CEP63: variants seen among roughly 807,000 people sequenced by gnomAD.
The protein encoded by CEP63 is centrosomal protein 63.
In CEP63, 84 loss-of-function variants were observed where a neutral mutation model predicts 89.1. That is an observed-to-expected ratio of 0.94 (90% CI 0.79 to 1.13). The LOEUF (loss-of-function observed/expected upper bound fraction) is 1.13. Among genes scored for constraint, CEP63 ranks in the 50% most tolerant of loss-of-function variants. CEP63 has a pLI of 0.00. For synonymous variants in CEP63, 267 were observed against 272.5 expected (o/e 0.98, Z 0.20); for missense variants, 838 against 813.3 (o/e 1.03, Z -0.37).
chr3:134,570,254 A>G (rs1957959964), intron 11 of CEP63, among the ~76,000 whole-genome samples: 1 of 71,462 alleles, frequency 1.4e-5, no homozygotes, highest in South Asian at 4.4e-4. Flanking sequence ...ATTTCTCCTC[A>G]GAAAGTGGGA....
chr3:134,751,580 T>C, the CEP63 span, among the ~76,000 whole-genome samples: 3 of 152,102 alleles, frequency 2.0e-5, no homozygotes, highest in Non-Finnish European at 4.4e-5. Flanking sequence ...GTGCTGTCAC[T>C]GTTGGGAGCA....
At chr3:134,607,417 C>G in the CEP63 span, 1 of 985,606 alleles carries the variant, frequency 1.0e-6, no homozygotes, top group Non-Finnish European at 1.2e-6. Flanking sequence ...GGCTCTGGGC[C>G]CACCCACAGG....
intron 12 of CEP63, 176 bp downstream of exon 12, chr3:134,552,188 C>G: frequency 2.4e-6 from 1 of 422,872 alleles, no homozygotes; most frequent in Non-Finnish European, 4.3e-6. Context: ...ACTCTCCACT[C>G]CAGCAGCAGG....
At chr3:134,724,650 G>A in the CEP63 span, among the ~76,000 whole-genome samples, 1 of 152,212 alleles carries the variant, frequency 6.6e-6, no homozygotes, top group Non-Finnish European at 1.5e-5. Flanking sequence ...CAGCTCCCAT[G>A]AATGCCTAGT....
In CEP63 at chr3:134,561,640, A is replaced by G; in HGVS notation, c.*105A>G. The G allele has an allele frequency of 6.6e-7, 1 of 1,525,948 alleles. No individual in the cohort carries two copies. Among genetic ancestry groups the G allele is most frequent in the South Asian group, 1.3e-5 (1 of 79,650 alleles). 94.5% of individuals were successfully genotyped at this position (1,525,948 alleles called of 1,614,324 possible). ...AACATGAAGAGATAAAATTATAAAA[A>G]TGATACATCTAAAGCAGTGGTGAAG... On this transcript the variant is annotated 3_prime_UTR_variant, in exon 15 of 15. Transcript: ENST00000675561.
intron 12 of CEP63, among the ~76,000 whole-genome samples, chr3:134,556,099 C>T (rs1161004821): frequency 6.7e-6 from 1 of 148,922 alleles, no homozygotes; most frequent in South Asian, 2.2e-4. Flanking sequence ...GGATCCCTTC[C>T]TTACACCTTA....
chr3:134,485,834 C>T, upstream of CEP63: 1 of 293,330 alleles, frequency 3.4e-6, no homozygotes, highest in Non-Finnish European at 5.1e-6. Context: ...TAAAGAAAAA[C>T]GGTTATGAGC....
the CEP63 span, among the ~76,000 whole-genome samples, chr3:134,698,700 C>T: frequency 4.4e-3 from 675 of 152,338 alleles, 3 homozygotes; most frequent in African/African-American, 0.016. Context: ...TGCCCTCGCC[C>T]ACACCTTGTC....
chr3:134,713,014 A>C, the CEP63 span, among the ~76,000 whole-genome samples: 1 of 152,198 alleles, frequency 6.6e-6, no homozygotes, highest in Non-Finnish European at 1.5e-5. Context: ...TGTCTATGCA[A>C]CATGAGAGCA....
At chr3:134,762,802 G>T in the CEP63 span, among the ~76,000 whole-genome samples, 1 of 152,176 alleles carries the variant, frequency 6.6e-6, no homozygotes, top group Non-Finnish European at 1.5e-5. Flanking sequence ...AGCAGTTCTG[G>T]CAAATGAATA....
the CEP63 span, among the ~76,000 whole-genome samples, chr3:134,778,537 T>TTTTG: frequency 4.6e-5 from 7 of 151,840 alleles, no homozygotes; most frequent in African/African-American, 7.3e-5. Flanking sequence ...GTTTTTGCTG[T>TTTTG]TTTGTTTGTT....
chr3:134,511,292 A>T (rs1219906723), intron 3 of CEP63: 2 of 162,402 alleles, frequency 1.2e-5, no homozygotes, highest in African/African-American at 2.4e-5. Flanking sequence ...GTTCCTGGCA[A>T]AGCAATTGTG....
chr3:134,592,407 G>A (rs1958614614), downstream of CEP63, among the ~76,000 whole-genome samples: 1 of 151,824 alleles, frequency 6.6e-6, no homozygotes, highest in South Asian at 2.1e-4. Flanking sequence ...CCTTTTGAAT[G>A]TAGGAGCACC....
At chr3:134,725,945 G>A in the CEP63 span, among the ~76,000 whole-genome samples, 2 of 152,174 alleles carry the variant, frequency 1.3e-5, no homozygotes, top group Admixed American at 1.3e-4. Context: ...TGGCCCTGAA[G>A]GACGGGAGTC....
At chr3:134,559,504 A>T (rs1287356300) in intron 14 of CEP63, 75 bp downstream of exon 14, 2 of 1,320,190 alleles carry the variant, frequency 1.5e-6, no homozygotes, top group African/African-American at 2.9e-5. Flanking sequence ...AAGGGTGAAG[A>T]AGGTGATTTT....
the CEP63 span, among the ~76,000 whole-genome samples, chr3:134,694,100 T>C: frequency 6.6e-6 from 1 of 152,286 alleles, no homozygotes; most frequent in South Asian, 2.1e-4. Context: ...GCCTCCAGCC[T>C]CCAGGCCCCT....
chr3:134,650,048 CTTAT>C, the CEP63 span, among the ~76,000 whole-genome samples: 2 of 152,208 alleles, frequency 1.3e-5, no homozygotes, highest in Admixed American at 6.5e-5. Context: ...TTTTCAGGGG[CTTAT>C]TTAACCTCCA....
chr3:134,705,422 G>T, the CEP63 span, among the ~76,000 whole-genome samples: 1 of 152,188 alleles, frequency 6.6e-6, no homozygotes, highest in Non-Finnish European at 1.5e-5. Flanking sequence ...ACTACTGCCA[G>T]AATGGCACCA....
At chr3:134,540,969 A>G (rs562096374) in intron 6 of CEP63, among the ~76,000 whole-genome samples, 77 of 151,862 alleles carry the variant, frequency 5.1e-4, no homozygotes, top group Non-Finnish European at 8.5e-4. Flanking sequence ...TTCAGTAGAG[A>G]CAGGGTTTCA....
Sources: allele counts gnomAD v4.1 joint callset (sites outside exome capture counted in the v4.1 genomes callset), GRCh38; gene constraint gnomAD v4.1.1; transcripts MANE v1.5; gene names NCBI Gene and HGNC (gene_info 2026-07-23, HGNC 2026-07-21).